Variants in MECOM observed in about 807,000 individuals in gnomAD.
The protein encoded by MECOM is MDS1 and EVI1 complex locus.
MECOM carries 13 observed loss-of-function variants against 116.3 expected under a neutral mutation model. The ratio of observed to expected loss-of-function variants is 0.11; its 90% CI spans 0.07 to 0.18. The LOEUF (loss-of-function observed/expected upper bound fraction) is 0.18, where lower values mean the gene tolerates loss of function less well. Among genes scored for constraint, MECOM ranks in the 10% least tolerant of loss-of-function variants. MECOM has a pLI of 1.00. For missense variants in MECOM, 1,299 were observed against 1,509.0 expected, an observed-to-expected ratio of 0.86 and a Z score of 2.31; for synonymous variants, 528 against 535.2, an observed-to-expected ratio of 0.99 and a Z score of 0.19.
chr3:169,243,151 C>T (rs1300940894), intron 2 of MECOM, among the ~76,000 whole-genome samples: 8 of 152,272 alleles, frequency 5.3e-5, no homozygotes, highest in Admixed American at 5.2e-4. Context: ...TTACTAACAT[C>T]TTCTTTTTGA....
intron 1 of MECOM, among the ~76,000 whole-genome samples, chr3:169,475,153 C>T (rs1264079011): frequency 1.3e-5 from 2 of 152,130 alleles, no homozygotes; most frequent in African/African-American, 4.8e-5. Context: ...CTTGAAATTC[C>T]TTTTAATGAT....
intron 1 of MECOM, among the ~76,000 whole-genome samples, chr3:169,500,284 G>A (rs1435985789): frequency 1.3e-5 from 2 of 151,944 alleles, no homozygotes; most frequent in African/African-American, 4.8e-5. Context: ...GAGAGCAGTG[G>A]ATTAGGCAAT....
chr3:169,490,147 C>T (rs186483510), intron 1 of MECOM, among the ~76,000 whole-genome samples: 129 of 152,212 alleles, frequency 8.5e-4, no homozygotes, highest in African/African-American at 2.5e-3. Context: ...ACTTTGCATG[C>T]GCTTTAGAGT....
At chr3:169,551,671 G>C (rs1401789515) in intron 1 of MECOM, among the ~76,000 whole-genome samples, 3 of 152,160 alleles carry the variant, frequency 2.0e-5, no homozygotes, top group Non-Finnish European at 4.4e-5. Context: ...GTTAAATATA[G>C]AGTTACTATG....
At chr3:169,355,339 A>G (rs1193437982) in intron 2 of MECOM, among the ~76,000 whole-genome samples, 2 of 152,018 alleles carry the variant, frequency 1.3e-5, no homozygotes, top group South Asian at 2.1e-4. Flanking sequence ...CTTGGTGACA[A>G]TATAAATTGA....
At chr3:169,331,038 T>G (rs775736455) in intron 2 of MECOM, among the ~76,000 whole-genome samples, 1 of 152,110 alleles carries the variant, frequency 6.6e-6, no homozygotes, top group Admixed American at 6.6e-5. Flanking sequence ...TGACTACTTC[T>G]GCCTCTAATA....
chr3:169,417,877 T>C (rs981053559), intron 1 of MECOM, among the ~76,000 whole-genome samples: 2 of 151,724 alleles, frequency 1.3e-5, no homozygotes, highest in African/African-American at 4.8e-5. Context: ...AAACACCACG[T>C]ATTCTCACTT....
chr3:169,249,302 G>T lies in MECOM; in HGVS notation c.376-105470C>A, dbSNP rs552125810. 2.0e-5 allele frequency among the ~76,000 whole-genome samples: 3 copies of T among 152,252 alleles called. No individual in the cohort carries two copies. The South Asian group carries it at 6.2e-4, about 32-fold the overall frequency. ...TCTGATTGCATCCAAATCATCCCTA[G>T]ACTTGACATCTAGTGCCACAACCTA... On this transcript the variant is annotated intron_variant, in intron 2 of 16. Transcript: ENST00000651503.
At chr3:169,658,831 G>T (rs1306510214) in intron 1 of MECOM, among the ~76,000 whole-genome samples, 1 of 152,048 alleles carries the variant, frequency 6.6e-6, no homozygotes, top group Non-Finnish European at 1.5e-5. Flanking sequence ...CCATCTCACC[G>T]CCCGCTTCCA....
At chr3:169,529,559 C>A (rs1236203207) in intron 1 of MECOM, among the ~76,000 whole-genome samples, 1 of 152,206 alleles carries the variant, frequency 6.6e-6, no homozygotes, top group Non-Finnish European at 1.5e-5. Flanking sequence ...CATCCCCACT[C>A]CCCAGCATTT....
intron 2 of MECOM, among the ~76,000 whole-genome samples, chr3:169,304,987 A>G (rs1454697304): frequency 6.6e-6 from 1 of 152,240 alleles, no homozygotes; most frequent in African/African-American, 2.4e-5. Context: ...TTGAAAGGGT[A>G]GCTTAAGATT....
Position 169,384,400 on chromosome 3 carries a change from T to C in MECOM, c.38-2876A>G, listed in dbSNP as rs968815650. ...GAAATATTATCAGAGAAGTATACTT[T>C]AAGGTCCAAACATACTCAACAAAAT... On this transcript the variant is annotated intron_variant, in intron 1 of 16. Transcript: ENST00000651503. Among the ~76,000 whole-genome samples, 14 of 152,298 alleles carry C rather than the reference T, an allele frequency of 9.2e-5. No individual in the cohort carries two copies. The East Asian group carries it at 2.7e-3, about 29-fold the overall frequency.
chr3:169,243,552 T>A (rs1022666997), intron 2 of MECOM, among the ~76,000 whole-genome samples: 2 of 152,042 alleles, frequency 1.3e-5, no homozygotes, highest in Non-Finnish European at 2.9e-5. Context: ...TTAAAAAAAA[T>A]TCTTTATAGA....
intron 1 of MECOM, among the ~76,000 whole-genome samples, chr3:169,620,510 TTA>T (rs1770582520): frequency 6.6e-6 from 1 of 152,240 alleles, no homozygotes. Context: ...CCTTTGATGC[TTA>T]TCTGTTGAAC....
At chr3:169,088,580 G>T (rs1278533280) in intron 16 of MECOM, among the ~76,000 whole-genome samples, 1 of 152,112 alleles carries the variant, frequency 6.6e-6, no homozygotes, top group Non-Finnish European at 1.5e-5. Flanking sequence ...CAATTTACTA[G>T]ACATAGAAGG....
chr3:169,590,324 T>TAATAGCAAC (rs1012398511), intron 1 of MECOM, among the ~76,000 whole-genome samples: 1 of 152,204 alleles, frequency 6.6e-6, no homozygotes. Context: ...AAAATAGGTA[T>TAATAGCAAC]AATAGCAACA....
chr3:169,584,400 C>T (rs1765508673), intron 1 of MECOM, among the ~76,000 whole-genome samples: 1 of 151,168 alleles, frequency 6.6e-6, no homozygotes, highest in African/African-American at 2.4e-5. Flanking sequence ...CCCGTCTCTA[C>T]TAAAAATACA....
intron 2 of MECOM, among the ~76,000 whole-genome samples, chr3:169,248,304 T>C (rs549630831): frequency 6.6e-5 from 10 of 152,272 alleles, no homozygotes; most frequent in African/African-American, 2.4e-4. Flanking sequence ...GGCCCCTAAA[T>C]GATTTGTTTT....
At chr3:169,090,337 A>G in intron 14 of MECOM, 101 bp from the exon 15 acceptor site, 1 of 1,008,712 alleles carries the variant, frequency 9.9e-7, no homozygotes, top group South Asian at 1.6e-5. Flanking sequence ...TAGATTTTCA[A>G]CACTTAACAT....
Sources: allele counts gnomAD v4.1 joint callset (sites outside exome capture counted in the v4.1 genomes callset), GRCh38; gene constraint gnomAD v4.1.1; transcripts MANE v1.5; gene names NCBI Gene and HGNC (gene_info 2026-07-23, HGNC 2026-07-21).